Variants in RAB3B observed in about 807,000 individuals in gnomAD.
The protein encoded by RAB3B is RAB3B, member RAS oncogene family.
Under a neutral mutation model 20.5 loss-of-function variants are expected in RAB3B, and 11 were observed. That is an observed-to-expected ratio of 0.54 (90% CI 0.34 to 0.89). The LOEUF is 0.89. RAB3B is among the 40% of genes least tolerant of loss of function. The pLI, the probability that RAB3B is intolerant of heterozygous loss-of-function variation, is 0.02. For synonymous variants in RAB3B, 99 were observed against 106.3 expected (o/e 0.93, Z 0.42); for missense variants, 225 against 280.9 (o/e 0.80, Z 1.42).
At chr1:51,988,378 T>G (rs189295526) in intron 1 of RAB3B, among the ~76,000 whole-genome samples, 3 of 152,320 alleles carry the variant, frequency 2.0e-5, no homozygotes, top group African/African-American at 7.2e-5. Context: ...TAGCTACCAT[T>G]TATTGAGCAC....
Position 51,912,542 on chromosome 1 carries a change from T to TAAAAAAAAAAAAAAAAAAAAA in RAB3B, c.*7384_*7385insTTTTTTTTTTTTTTTTTTTTT, listed in dbSNP as rs61590258. 1.6e-4 allele frequency: 1 copy of TAAAAAAAAAAAAAAAAAAAAA among 6,390 alleles called. No homozygotes were observed. The highest frequency in any genetic ancestry group is 7.9e-4 in the African/African-American group (1 of 1,258). The allele number at this position is 6,390 out of a possible 1,614,324, so 0.4% of individuals were successfully genotyped here. The stretch of plus-strand genomic sequence containing the variant: ...GGCAACATAGCAAGACCGTCTCTAT[T>TAAAAAAAAAAAAAAAAAAAAA]AAAAAAAAAAAAATATATATATATA... On this transcript the variant is annotated 3_prime_UTR_variant, in exon 5 of 5. Transcript: ENST00000371655.
At chr1:51,940,862 G>A (rs1684483391) in intron 2 of RAB3B, among the ~76,000 whole-genome samples, 1 of 152,076 alleles carries the variant, frequency 6.6e-6, no homozygotes, top group African/African-American at 2.4e-5. Flanking sequence ...CCAGGATAAA[G>A]ACTGACAGAG....
chr1:51,951,641 G>C (rs1684644007), intron 2 of RAB3B, among the ~76,000 whole-genome samples: 1 of 152,066 alleles, frequency 6.6e-6, no homozygotes, highest in Non-Finnish European at 1.5e-5. Flanking sequence ...GTGAGACTGT[G>C]TTTCTACAAA....
chr1:51,947,337 AGTGAG>A (rs1684578886), intron 2 of RAB3B, among the ~76,000 whole-genome samples: 1 of 151,990 alleles, frequency 6.6e-6, no homozygotes, highest in African/African-American at 2.4e-5. Context: ...TGGAGGTTGC[AGTGAG>A]CTGAGATTGC....
intron 2 of RAB3B, among the ~76,000 whole-genome samples, chr1:51,945,208 G>T (rs942950820): frequency 1.3e-5 from 2 of 152,122 alleles, no homozygotes; most frequent in African/African-American, 4.8e-5. Context: ...GTCTCACTCT[G>T]TTGCCCAGGC....
chr1:51,924,808 G>T (rs1684222466), intron 4 of RAB3B, among the ~76,000 whole-genome samples: 1 of 152,014 alleles, frequency 6.6e-6, no homozygotes, highest in South Asian at 2.1e-4. Flanking sequence ...TTCATTAGTA[G>T]GTCCATATGG....
rs2124223874 is a variant in RAB3B, at chr1:51,917,300, A to C, written c.*2627T>G. Reference sequence around the variant, plus strand: ...TCAGGTTTGTTTGGTGGATCAACTGAAATGGTGAAGGTGAAAAAAAAGAGA... The same window carrying C: ...TCAGGTTTGTTTGGTGGATCAACTGCAATGGTGAAGGTGAAAAAAAAGAGA... On this transcript the variant is annotated 3_prime_UTR_variant, in exon 5 of 5. Coordinates refer to ENST00000371655, the MANE Select transcript of RAB3B (RefSeq NM_002867.4). 1 of 152,260 alleles carries C rather than the reference A, an allele frequency of 6.6e-6. No homozygotes were observed. The highest frequency in any genetic ancestry group is 1.9e-4 in the East Asian group (1 of 5,178). 9.4% of individuals were successfully genotyped at this position (152,260 alleles called of 1,614,324 possible).
chr1:51,942,329 C>G lies in RAB3B; in HGVS notation c.229-4917G>C, dbSNP rs527840032. Among the ~76,000 whole-genome samples, 4 of 152,200 alleles carry G rather than the reference C, an allele frequency of 2.6e-5. No homozygotes were observed. In the East Asian group the frequency reaches 7.7e-4, roughly 29 times the overall value. ...GCTCTCCAAGAGTCTTGTCACCCAACTGAATCCCAACTAATTAGAAATTCT... is the reference window on the plus strand; with the variant it reads ...GCTCTCCAAGAGTCTTGTCACCCAAGTGAATCCCAACTAATTAGAAATTCT... On this transcript the variant is annotated intron_variant, in intron 2 of 4. Transcript: ENST00000371655.
At chr1:51,990,062 C>T (rs1443333851) in intron 1 of RAB3B, among the ~76,000 whole-genome samples, 1 of 141,492 alleles carries the variant, frequency 7.1e-6, no homozygotes. Flanking sequence ...GACCCCCGCC[C>T]AGCCAGTCCC....
intron 1 of RAB3B, 111 bp downstream of exon 1, chr1:51,990,441 C>T (rs999429438): frequency 6.6e-6 from 1 of 150,874 alleles, no homozygotes; most frequent in Non-Finnish European, 1.5e-5. Flanking sequence ...CCCCGGCTTC[C>T]TTCCGCTGCC....
intron 2 of RAB3B, among the ~76,000 whole-genome samples, chr1:51,968,624 T>C (rs996691988): frequency 2.0e-4 from 31 of 152,232 alleles, no homozygotes; most frequent in Non-Finnish European, 1.5e-5. Context: ...CCCACATTCC[T>C]ACACTCCCTT....
chr1:51,973,630 T>C (rs897562983), intron 2 of RAB3B: 3 of 152,226 alleles, frequency 2.0e-5, no homozygotes, highest in Admixed American at 2.0e-4. Flanking sequence ...TTCACTATAA[T>C]CTTCTAGCAT....
At chr1:51,937,498 A>C in intron 2 of RAB3B, 86 bp from the exon 3 acceptor site, 1 of 920,576 alleles carries the variant, frequency 1.1e-6, no homozygotes, top group South Asian at 1.9e-5. Context: ...TAATAACCCA[A>C]GACATTTTTT....
At position 51,933,438 on chromosome 1, in the gene RAB3B, T is replaced by C; in HGVS notation, c.352A>G (p.Thr118Ala). The change falls in exon 4 of 5, where the codon ACT (threonine) becomes GCT (alanine). Residue 118 changes from threonine (T) to alanine (A), a missense_variant. Physicochemically the swap from Thr to Ala is moderately conservative, Grantham distance 58. Transcript: ENST00000371655. ...TCCCAGGAGTAGGTCTTGATCTGAG[T>C]AGCCCTAAAATGAGATAGAAAGAGA... Reference protein sequence around the residue: ...ESFNAVQDWATQIKTYSWDNA... With the variant: ...ESFNAVQDWAAQIKTYSWDNA... 17 of 1,611,692 alleles carry C rather than the reference T, an allele frequency of 1.1e-5. No individual in the cohort carries two copies. Among genetic ancestry groups the C allele is most frequent in the Middle Eastern group, 1.7e-4 (1 of 6,058 alleles).
chr1:51,926,587 A>C (rs928511794), intron 4 of RAB3B, among the ~76,000 whole-genome samples: 2 of 152,202 alleles, frequency 1.3e-5, no homozygotes, highest in African/African-American at 4.8e-5. Flanking sequence ...AATGAGTGAG[A>C]AAGAAACCCT....
intron 2 of RAB3B, among the ~76,000 whole-genome samples, chr1:51,973,863 G>T (rs1684970107): frequency 6.6e-6 from 1 of 152,158 alleles, no homozygotes; most frequent in Non-Finnish European, 1.5e-5. Flanking sequence ...AAGATTTTTT[G>T]AGTGTAGGCT....
intron 2 of RAB3B, among the ~76,000 whole-genome samples, chr1:51,951,069 A>C (rs751083041): frequency 2.0e-5 from 3 of 151,896 alleles, no homozygotes; most frequent in Non-Finnish European, 2.9e-5. Context: ...AGCACCCTAC[A>C]GTTTACAAGT....
intron 1 of RAB3B, chr1:51,980,784 AG>A (rs1685076393): frequency 1.3e-6 from 1 of 752,570 alleles, no homozygotes; most frequent in Admixed American, 1.7e-5. Flanking sequence ...TTAGACCTGT[AG>A]GTGCTGCCCC....
intron 2 of RAB3B, among the ~76,000 whole-genome samples, 162 bp downstream of exon 2, chr1:51,976,728 G>A (rs1371917252): frequency 6.6e-6 from 1 of 152,192 alleles, no homozygotes; most frequent in Non-Finnish European, 1.5e-5. Flanking sequence ...GAGCAAACTT[G>A]TATAAAACTA....
Sources: allele counts gnomAD v4.1 joint callset (sites outside exome capture counted in the v4.1 genomes callset), GRCh38; gene constraint gnomAD v4.1.1; transcripts MANE v1.5; gene names NCBI Gene and HGNC (gene_info 2026-07-23, HGNC 2026-07-21).